ITIH5: variants seen among roughly 807,000 people sequenced by gnomAD.
ITIH5 encodes inter-alpha-trypsin inhibitor heavy chain H5.
A neutral mutation model predicts 77.5 loss-of-function variants in ITIH5; 65 were observed. The ratio of observed to expected loss-of-function variants is 0.84; its 90% CI spans 0.69 to 1.03. The LOEUF is 1.03. Among genes scored for constraint, ITIH5 ranks in the 50% least tolerant of loss-of-function variants. ITIH5 has a pLI of 0.00. For missense variants in ITIH5, 1,208 were observed against 1,213.1 expected (o/e 1.00, Z 0.06); for synonymous variants, 525 against 494.3 (o/e 1.06, Z -0.82).
In ITIH5 at chr10:7,569,387, T is replaced by C. The variant is rs192062456; in HGVS notation, c.2149+281A>G. 2,208 of 315,496 alleles carry C rather than the reference T, an allele frequency of 7.0e-3. 15 individuals are homozygous for C. Among genetic ancestry groups the C allele is most frequent in the Middle Eastern group, 0.034 (39 of 1,146 alleles). The allele number at this position is 315,496 out of a possible 1,614,324, so 19.5% of individuals were successfully genotyped here. On this transcript the variant is annotated intron_variant, in intron 12 of 13. Coordinates refer to ENST00000397146, the MANE Select transcript of ITIH5 (RefSeq NM_030569.7). Reference sequence around the variant, plus strand: ...TTCATAACCAGTTTCATTTGATCCATTTTATATTAGCTCTGTGAGGCCAAG... The same window carrying C: ...TTCATAACCAGTTTCATTTGATCCACTTTATATTAGCTCTGTGAGGCCAAG...
intron 7 of ITIH5, among the ~76,000 whole-genome samples, chr10:7,612,267 G>A (rs1462178188): frequency 1.3e-5 from 2 of 152,060 alleles, no homozygotes; most frequent in Non-Finnish European, 2.9e-5. Context: ...GCTCCCATAT[G>A]GTTACTATTA....
In ITIH5 at chr10:7,563,158, C is replaced by A; in HGVS notation, c.2754G>T (p.Glu918Asp). ...RNNAAKLIDG[E>D]YKDYLASHPF... is the part of the protein sequence containing the mutation. Reference sequence around the variant, plus strand: ...GATGGGATGCCAGGTAATCCTTGTACTCCCCGTCAATCAGTTTGGCGGCAT... The same window carrying A: ...GATGGGATGCCAGGTAATCCTTGTAATCCCCGTCAATCAGTTTGGCGGCAT... The change falls in exon 14 of 14, where the codon GAG (glutamate) becomes GAT (aspartate). Residue 918 changes from glutamate to aspartate, a missense_variant. By Grantham distance (45) the Glu-to-Asp change is conservative. Coordinates refer to ENST00000397146, the MANE Select transcript of ITIH5 (RefSeq NM_030569.7). 1 of 1,613,970 alleles carries A rather than the reference C, an allele frequency of 6.2e-7. No individual in the cohort carries two copies. The highest frequency in any genetic ancestry group is 8.5e-7 in the Non-Finnish European group (1 of 1,179,814).
chr10:7,624,871 ATG>A (rs1833547793), intron 5 of ITIH5, among the ~76,000 whole-genome samples: 1 of 93,792 alleles, frequency 1.1e-5, no homozygotes, highest in Non-Finnish European at 2.0e-5. Context: ...ATATGTATAT[ATG>A]TATGTATATA....
rs1439069843 is a variant in ITIH5 at position 7,649,591 on chromosome 10, A to G, written c.135+6040T>C. Among the ~76,000 whole-genome samples the G allele has an allele frequency of 5.9e-5, 9 of 152,226 alleles. No individual in the cohort carries two copies. The South Asian group carries it at 1.9e-3, about 32-fold the overall frequency. On this transcript the variant is annotated intron_variant, in intron 2 of 13. Coordinates refer to ENST00000397146, the MANE Select transcript of ITIH5 (RefSeq NM_030569.7). ...ACTATAAGACCTTCCAGTGTTGAGA[A>G]GAAAGATAAATCAGTGAGGTCTGCA... is the stretch of plus-strand genomic sequence containing the variant.
chr10:7,660,716 G>A (rs970690669), intron 1 of ITIH5, among the ~76,000 whole-genome samples: 3 of 152,200 alleles, frequency 2.0e-5, no homozygotes, highest in Non-Finnish European at 4.4e-5. Context: ...CATCTCGAGA[G>A]TCCATCCATG....
intron 1 of ITIH5, among the ~76,000 whole-genome samples, chr10:7,664,917 T>C (rs1270199562): frequency 1.3e-5 from 2 of 152,204 alleles, no homozygotes; most frequent in Non-Finnish European, 2.9e-5. Flanking sequence ...CATACAGAGA[T>C]AGAGGCTCAC....
chr10:7,610,007 A>T (rs1013126583), intron 7 of ITIH5, among the ~76,000 whole-genome samples: 1 of 151,946 alleles, frequency 6.6e-6, no homozygotes, highest in African/African-American at 2.4e-5. Flanking sequence ...ACTAACAACA[A>T]AAAAAAGAAG....
intron 2 of ITIH5, among the ~76,000 whole-genome samples, chr10:7,644,314 A>G (rs1833935937): frequency 6.7e-6 from 1 of 148,584 alleles, no homozygotes; most frequent in South Asian, 2.1e-4. Flanking sequence ...TATCACATAT[A>G]TATCATACAT....
chr10:7,615,447 G>A (rs1247592235), intron 7 of ITIH5, among the ~76,000 whole-genome samples: 3 of 152,150 alleles, frequency 2.0e-5, no homozygotes, highest in Non-Finnish European at 4.4e-5. Context: ...GTCTTTTCCA[G>A]TGGTTTGTAA....
At chr10:7,636,776 G>T (rs1588418164) in intron 5 of ITIH5, among the ~76,000 whole-genome samples, 1 of 152,066 alleles carries the variant, frequency 6.6e-6, no homozygotes, top group Non-Finnish European at 1.5e-5. Flanking sequence ...AAAATGGGCC[G>T]GGTGCGCTGG....
At chr10:7,597,329 T>C (rs1832924208) in intron 7 of ITIH5, among the ~76,000 whole-genome samples, 1 of 152,106 alleles carries the variant, frequency 6.6e-6, no homozygotes, top group Admixed American at 6.6e-5. Context: ...TGCCCCTTGG[T>C]GGGTGGTAGT....
At chr10:7,569,618 A>G (rs754046593) in intron 12 of ITIH5, 50 bp downstream of exon 12, 40 of 1,183,778 alleles carry the variant, frequency 3.4e-5, no homozygotes, top group Non-Finnish European at 4.6e-5. Flanking sequence ...AGGGGGATGC[A>G]GTACCTACCT....
intron 7 of ITIH5, among the ~76,000 whole-genome samples, chr10:7,602,097 G>T (rs964625947): frequency 6.6e-6 from 1 of 152,014 alleles, no homozygotes. Context: ...CAGGTGATCC[G>T]CCTGCCTCAG....
At chr10:7,656,043 C>G (rs1834176696) in intron 1 of ITIH5, among the ~76,000 whole-genome samples, 15 of 152,152 alleles carry the variant, frequency 9.9e-5, no homozygotes, top group Admixed American at 9.8e-4. Context: ...GCTACTGTGT[C>G]TATTACAGTA....
chr10:7,649,920 A>T (rs1016614227), intron 2 of ITIH5, among the ~76,000 whole-genome samples: 3 of 152,248 alleles, frequency 2.0e-5, no homozygotes, highest in Admixed American at 6.5e-5. Context: ...TTAAAAATCC[A>T]ACATGCTTTC....
rs1429668857 is a variant in ITIH5 at position 7,617,230 on chromosome 10, G to A, written c.705C>T (p.Ala235=). 1 of 1,599,436 alleles carries A rather than the reference G, an allele frequency of 6.3e-7. No homozygotes were observed. Among genetic ancestry groups the A allele is most frequent in the African/African-American group, 1.3e-5 (1 of 74,102 alleles). ...STVINQNETF[A]NIIFKPTVVQ... ...CTACAGTAGGTTTAAAAATTATGTT[G>A]GCAAATGTTTCATTTTGGTTAATGA... The change falls in exon 6 of 14, where the codon GCC becomes GCT. Residue 235 remains alanine, a synonymous_variant. Transcript: ENST00000397146.
At chr10:7,568,022 C>G (rs1434852007) in intron 12 of ITIH5, among the ~76,000 whole-genome samples, 1 of 151,878 alleles carries the variant, frequency 6.6e-6, no homozygotes, top group South Asian at 2.1e-4. Flanking sequence ...TTTTCTTCAT[C>G]ATTATGAACA....
chr10:7,600,445 C>G (rs1832991626), intron 7 of ITIH5: 1 of 443,656 alleles, frequency 2.3e-6, no homozygotes, highest in Non-Finnish European at 4.5e-6. Context: ...TAGGTCCCTT[C>G]AGCCCACTGC....
In ITIH5 at chr10:7,582,025, G is replaced by A. The variant is rs563145953; in HGVS notation, c.1109-1961C>T. 3.2e-4 allele frequency among the ~76,000 whole-genome samples: 48 copies of A among 151,478 alleles called. No homozygotes were observed. The South Asian group carries it at 8.8e-3, about 28-fold the overall frequency. On this transcript the variant is annotated intron_variant, in intron 8 of 13. Coordinates refer to ENST00000397146, the MANE Select transcript of ITIH5 (RefSeq NM_030569.7). ...CGAGTAGCTGGGATTACAGGCACAC[G>A]CCACCATGCCTGGCTAATTTTTGTA...
Sources: gnomAD v4.1 joint callset for allele counts (sites outside exome capture counted in the v4.1 genomes callset) on GRCh38, gnomAD v4.1.1 for gene constraint, MANE v1.5 for transcripts, NCBI Gene and HGNC (gene_info 2026-07-23, HGNC 2026-07-21) for gene names.